Variants in UMAD1 observed in about 807,000 individuals in gnomAD.
The protein encoded by UMAD1 is UBAP1-MVB12-associated (UMA)-domain containing protein 1.
A neutral mutation model predicts 6.1 loss-of-function variants in UMAD1; 8 were observed. The observed-to-expected ratio is 1.30, with a 90% CI of 0.76 to 2.35. The LOEUF is 2.35. Among genes scored for constraint, UMAD1 ranks in the 30% most tolerant of loss-of-function variants. The pLI, the probability that UMAD1 is intolerant of heterozygous loss-of-function variation, is 0.00. For synonymous variants in UMAD1, 56 were observed against 31.4 expected (o/e 1.78, Z -2.61); for missense variants, 130 against 78.4 (o/e 1.66, Z -2.49).
In UMAD1 at chr7:7,741,272, C is replaced by CA. The variant is rs113025119; in HGVS notation, c.83-60387dup. The stretch of plus-strand genomic sequence containing the variant: ...TTAAAGAGCAAGGAAAAAATAGTCT[C>CA]AAAAAAAAAAAGACTGTGGCCTGGC... On this transcript the variant is annotated intron_variant, in intron 2 of 3. Transcript: ENST00000682710. Among the ~76,000 whole-genome samples, 184 of 143,888 alleles carry CA rather than the reference C, an allele frequency of 1.3e-3. 1 individual carries two copies. The highest frequency in any genetic ancestry group is 3.3e-3 in the African/African-American group (129 of 39,504). The allele number at this position is 143,888 out of a possible 152,430, so 94.4% of individuals were successfully genotyped here. A position where few individuals can be genotyped will look rare whatever the true frequency, so the allele number is the denominator to read the frequency against.
intron 2 of UMAD1, among the ~76,000 whole-genome samples, chr7:7,702,998 C>T (rs984634116): frequency 3.3e-5 from 5 of 152,188 alleles, no homozygotes; most frequent in Non-Finnish European, 7.3e-5. Flanking sequence ...TGAAGCCATG[C>T]GAGCAGGCAG....
intron 2 of UMAD1, among the ~76,000 whole-genome samples, chr7:7,702,738 G>C (rs981578080): frequency 6.6e-6 from 1 of 152,074 alleles, no homozygotes; most frequent in Non-Finnish European, 1.5e-5. Context: ...AATGTGCTCC[G>C]GTGAGTAAAA....
chr7:7,813,425 C>T (rs529467472), intron 3 of UMAD1, among the ~76,000 whole-genome samples: 7 of 152,216 alleles, frequency 4.6e-5, no homozygotes, highest in Non-Finnish European at 7.4e-5. Flanking sequence ...AGGCTGGTCT[C>T]GAACTCCTGA....
At chr7:7,777,682 A>G (rs983545647) in intron 2 of UMAD1, among the ~76,000 whole-genome samples, 1 of 151,026 alleles carries the variant, frequency 6.6e-6, no homozygotes, top group Non-Finnish European at 1.5e-5. Context: ...AAATGTTCAC[A>G]TATGTAATTC....
chr7:7,868,788 C>G (rs1384330221), intron 3 of UMAD1, among the ~76,000 whole-genome samples: 2 of 152,154 alleles, frequency 1.3e-5, no homozygotes, highest in African/African-American at 4.8e-5. Flanking sequence ...GCTTCTCCCC[C>G]CTAATTTCTG....
intron 1 of UMAD1, among the ~76,000 whole-genome samples, chr7:7,654,736 C>G (rs182784616): frequency 1.1e-4 from 16 of 152,060 alleles, no homozygotes. Context: ...AACCCCATCT[C>G]TACTAAAAAA....
intron 2 of UMAD1, among the ~76,000 whole-genome samples, chr7:7,719,265 C>G (rs1780994142): frequency 6.6e-6 from 1 of 152,094 alleles, no homozygotes; most frequent in Non-Finnish European, 1.5e-5. Context: ...TGAAACCAAT[C>G]CAGAGTCTTG....
At position 7,830,560 on chromosome 7, in the gene UMAD1, C is replaced by A. The variant is rs1419851342; in HGVS notation, c.156+28817C>A. Among the ~76,000 whole-genome samples the A allele has an allele frequency of 6.6e-6, 1 of 151,676 alleles. No individual in the cohort carries two copies. The highest frequency in any genetic ancestry group is 1.5e-5 in the Non-Finnish European group (1 of 67,970). On this transcript the variant is annotated intron_variant, in intron 3 of 3. Transcript: ENST00000682710. This position sits in a 1 kb window ranked among gnomAD's most constrained non-coding sequence, Gnocchi z 5.3. ...GTGTTTTTCTTCTTTGCTCTGGGTG[C>A]CCAAAAACTGTGAGCCAACTTCAAA...
chr7:7,684,806 C>G (rs1238170497), intron 2 of UMAD1, among the ~76,000 whole-genome samples: 2 of 152,178 alleles, frequency 1.3e-5, no homozygotes, highest in Non-Finnish European at 1.5e-5. Context: ...AAAAATCAGA[C>G]TAACGCATTC....
intron 2 of UMAD1, among the ~76,000 whole-genome samples, chr7:7,739,364 TG>T (rs1173809852): frequency 2.6e-5 from 4 of 152,190 alleles, no homozygotes; most frequent in Non-Finnish European, 4.4e-5. Context: ...AGGTGAGATT[TG>T]GTATTTTTCT....
At chr7:7,724,115 C>T (rs1563156485) in intron 2 of UMAD1, among the ~76,000 whole-genome samples, 1 of 152,096 alleles carries the variant, frequency 6.6e-6, no homozygotes, top group Admixed American at 6.6e-5. Flanking sequence ...TAATCTTTCT[C>T]CCATCCTCCC....
At chr7:7,786,841 G>T (rs765538490) in intron 2 of UMAD1, among the ~76,000 whole-genome samples, 2 of 152,152 alleles carry the variant, frequency 1.3e-5, no homozygotes, top group Non-Finnish European at 2.9e-5. Flanking sequence ...CTCACTTTAA[G>T]TCCGGATGTG....
chr7:7,684,038 G>T (rs1253420754), intron 2 of UMAD1, among the ~76,000 whole-genome samples: 1 of 152,134 alleles, frequency 6.6e-6, no homozygotes. Flanking sequence ...ATATAAAAGA[G>T]CATAGTTTTT....
chr7:7,668,836 C>G (rs900103305), intron 1 of UMAD1, among the ~76,000 whole-genome samples: 8 of 152,208 alleles, frequency 5.3e-5, no homozygotes, highest in Non-Finnish European at 1.2e-4. Flanking sequence ...AGAGGCTCTT[C>G]TGGCAGCTTA....
intron 2 of UMAD1, among the ~76,000 whole-genome samples, chr7:7,679,731 T>TATATATATATAC (rs1554313986): frequency 7.4e-6 from 1 of 135,930 alleles, no homozygotes; most frequent in African/African-American, 2.8e-5. Context: ...TATATATATA[T>TATATATATATAC]ACACACACAC....
At chr7:7,718,333 A>C (rs1780969402) in intron 2 of UMAD1, among the ~76,000 whole-genome samples, 1 of 152,250 alleles carries the variant, frequency 6.6e-6, no homozygotes, top group Non-Finnish European at 1.5e-5. Flanking sequence ...TACTGTATGC[A>C]TAGTGAGGGC....
At chr7:7,666,357 C>G (rs1779456481) in intron 1 of UMAD1, among the ~76,000 whole-genome samples, 1 of 152,068 alleles carries the variant, frequency 6.6e-6, no homozygotes, top group African/African-American at 2.4e-5. Context: ...GCACACGCCA[C>G]CACACCTGGC....
intron 2 of UMAD1, among the ~76,000 whole-genome samples, chr7:7,762,682 C>T (rs1353925677): frequency 6.6e-6 from 1 of 152,152 alleles, no homozygotes; most frequent in Non-Finnish European, 1.5e-5. Flanking sequence ...TAATATAGTG[C>T]AGACAGAGAC....
chr7:7,751,610 G>T (rs891982012), intron 2 of UMAD1, among the ~76,000 whole-genome samples: 12 of 152,082 alleles, frequency 7.9e-5, no homozygotes, highest in Admixed American at 1.3e-4. Flanking sequence ...GGACAGGTGG[G>T]GACAAACACC....
Sources: gnomAD v4.1 joint callset for allele counts (sites outside exome capture counted in the v4.1 genomes callset) on GRCh38, gnomAD v4.1.1 for gene constraint, Gnocchi (gnomAD v3.1) non-coding constraint, MANE v1.5 for transcripts, NCBI Gene and HGNC (gene_info 2026-07-23, HGNC 2026-07-21) for gene names.